Variants in CRACDL observed in about 807,000 individuals in gnomAD.
CRACDL encodes the protein CRACD like, also known as CRACD-like protein.
CRACDL carries 26 observed loss-of-function variants against 70.6 expected under a neutral mutation model. That is an observed-to-expected ratio of 0.37 (90% CI 0.27 to 0.51). The LOEUF (loss-of-function observed/expected upper bound fraction) is 0.51, where lower values mean the gene tolerates loss of function less well. Ranked by LOEUF, CRACDL falls within the 20% of genes least tolerant of loss-of-function variation. CRACDL has a pLI of 0.94. For missense variants in CRACDL, 1,283 were observed against 1,376.9 expected (o/e 0.93, Z 1.08); for synonymous variants, 618 against 615.2 (o/e 1.00, Z -0.07).
intron 1 of CRACDL, among the ~76,000 whole-genome samples, chr2:98,911,122 C>T (rs990388226): frequency 2.0e-5 from 3 of 152,190 alleles, no homozygotes; most frequent in African/African-American, 7.2e-5. Context: ...CCCCCACGCC[C>T]GTGCTCCTGC....
chr2:98,877,592 CAAA>C (rs1019956540), intron 1 of CRACDL, among the ~76,000 whole-genome samples: 1 of 151,758 alleles, frequency 6.6e-6, no homozygotes, highest in Non-Finnish European at 1.5e-5. Context: ...ACTAAAAATA[CAAA>C]AAAATTAGCC....
At chr2:98,865,967 A>T (rs781427396) in intron 1 of CRACDL, among the ~76,000 whole-genome samples, 9 of 151,814 alleles carry the variant, frequency 5.9e-5, no homozygotes, top group Non-Finnish European at 8.8e-5. Flanking sequence ...ACCTCAGGTG[A>T]TCCACTCACC....
rs1427050946 is a variant in CRACDL, at chr2:98,822,647, G to C, written c.1626C>G (p.Ala542=). Residue 542 remains alanine (A), a synonymous_variant, in exon 7 of 10, where the codon GCC becomes GCG. Coordinates refer to ENST00000397899, the MANE Select transcript of CRACDL (RefSeq NM_207362.3). This position sits in a 1 kb window ranked among gnomAD's most constrained non-coding sequence, Gnocchi z 4.9. The part of the protein sequence containing the change: ...AEAAAPERPK[A]ERAEAPPAGA... Reference sequence around the variant, plus strand: ...CCGCCGGTGGCGCCTCGGCTCGCTCGGCCTTGGGGCGCTCCGGGGCGGCGG... The same window carrying C: ...CCGCCGGTGGCGCCTCGGCTCGCTCCGCCTTGGGGCGCTCCGGGGCGGCGG... 2.5e-5 allele frequency: 32 copies of C among 1,295,102 alleles called. No individual in the cohort carries two copies. The highest frequency in any genetic ancestry group is 2.3e-4 in the African/African-American group (15 of 64,280). 80.2% of individuals were successfully genotyped at this position (1,295,102 alleles called of 1,614,324 possible).
intron 1 of CRACDL, among the ~76,000 whole-genome samples, chr2:98,898,909 C>T (rs1293051543): frequency 2.0e-5 from 3 of 152,142 alleles, no homozygotes; most frequent in African/African-American, 7.2e-5. Context: ...AGAAGGTAAT[C>T]GTCTCCCAAA....
chr2:98,932,198 C>T (rs1307132426), intron 1 of CRACDL, among the ~76,000 whole-genome samples: 3 of 152,176 alleles, frequency 2.0e-5, no homozygotes, highest in Non-Finnish European at 4.4e-5. Context: ...CAGAAGAGAT[C>T]GGCGGGACAC....
chr2:98,904,125 C>T (rs1708349434), intron 1 of CRACDL, among the ~76,000 whole-genome samples: 1 of 152,240 alleles, frequency 6.6e-6, no homozygotes, highest in Non-Finnish European at 1.5e-5. Context: ...GAGAGTTATA[C>T]AAACAGAAGG....
chr2:98,880,557 T>C (rs2104614854), intron 1 of CRACDL, among the ~76,000 whole-genome samples: 1 of 152,328 alleles, frequency 6.6e-6, no homozygotes, highest in South Asian at 2.1e-4. Context: ...TCCTGAGTCC[T>C]ACAGACGATA....
At chr2:98,850,844 C>T (rs944473323) in intron 1 of CRACDL, among the ~76,000 whole-genome samples, 2 of 152,218 alleles carry the variant, frequency 1.3e-5, no homozygotes, top group Non-Finnish European at 2.9e-5. Context: ...TAACTGACCA[C>T]AGCCTCCTTC....
Position 98,822,875 on chromosome 2 carries a change from CGTCTCCGCTTCTCTCTCGGGCTCA to C in CRACDL, c.1374_1397del (p.Glu463_Arg470del). The C allele has an allele frequency of 6.8e-7, 1 of 1,467,752 alleles. No homozygotes were observed. The highest frequency in any genetic ancestry group is 8.9e-7 in the Non-Finnish European group (1 of 1,120,232). The allele number at this position is 1,467,752 out of a possible 1,614,324, so 90.9% of individuals were successfully genotyped here. On this transcript the variant is annotated inframe_deletion, in exon 7 of 10. Coordinates refer to ENST00000397899, the MANE Select transcript of CRACDL (RefSeq NM_207362.3). The surrounding 1 kb of genome is among the most constrained non-coding windows in gnomAD (Gnocchi z 4.9). Reference sequence around the variant, plus strand: ...CGGTCCCCGCTCCTCTCTCGGGCTCCGTCTCCGCTTCTCTCTCGGGCTCAGGCGCCGGCCCTGGGGGCCCCTTCT... The same window carrying C: ...CGGTCCCCGCTCCTCTCTCGGGCTCCGGCGCCGGCCCTGGGGGCCCCTTCT...
At chr2:98,840,398 T>A (rs4851161) in intron 2 of CRACDL, among the ~76,000 whole-genome samples, 2,796 of 152,276 alleles carry the variant, frequency 0.018, 89 homozygotes, top group African/African-American at 0.063. Context: ...AATCTGTTGA[T>A]ACTTGCTTTA....
chr2:98,869,318 T>C (rs1380941901), intron 1 of CRACDL: 1 of 1,199,446 alleles, frequency 8.3e-7, no homozygotes, highest in Non-Finnish European at 1.1e-6. Context: ...CCAGCCCTCC[T>C]GTGCCCCGTG....
intron 1 of CRACDL, among the ~76,000 whole-genome samples, chr2:98,896,724 G>C (rs1016695203): frequency 2.6e-5 from 4 of 152,180 alleles, no homozygotes; most frequent in African/African-American, 9.7e-5. Context: ...TACCAAGCTT[G>C]TCCAACCTAT....
At chr2:98,858,530 A>G (rs527757187) in intron 1 of CRACDL, among the ~76,000 whole-genome samples, 85 of 151,448 alleles carry the variant, frequency 5.6e-4, no homozygotes, top group South Asian at 3.1e-3. Context: ...AAAAAAAAAA[A>G]AAGAAGAAGA....
chr2:98,810,090 T>C (rs1242641991), intron 7 of CRACDL, among the ~76,000 whole-genome samples: 1 of 152,062 alleles, frequency 6.6e-6, no homozygotes, highest in African/African-American at 2.4e-5. Context: ...GGTCCAAGGA[T>C]CACCCACTGC....
At chr2:98,843,970 C>A (rs911537234) in intron 2 of CRACDL, among the ~76,000 whole-genome samples, 2 of 152,150 alleles carry the variant, frequency 1.3e-5, no homozygotes, top group Non-Finnish European at 2.9e-5. Context: ...CAAAAAAAAT[C>A]ATCCCAGGCA....
At chr2:98,802,990 A>T (rs1240261833) in intron 7 of CRACDL, among the ~76,000 whole-genome samples, 1 of 147,610 alleles carries the variant, frequency 6.8e-6, no homozygotes, top group African/African-American at 2.5e-5. Context: ...TGTGAGCCAC[A>T]TGCCTGGCTT....
intron 1 of CRACDL, among the ~76,000 whole-genome samples, chr2:98,862,303 C>G (rs1056548746): frequency 2.0e-5 from 3 of 152,138 alleles, no homozygotes; most frequent in Admixed American, 2.0e-4. Flanking sequence ...CCAGCAAACC[C>G]TGGGAAAAGG....
At chr2:98,910,012 A>G (rs1708508146) in intron 1 of CRACDL, among the ~76,000 whole-genome samples, 1 of 152,166 alleles carries the variant, frequency 6.6e-6, no homozygotes, top group Admixed American at 6.5e-5. Flanking sequence ...AGTAGTCAGT[A>G]ACGCCATCTC....
intron 1 of CRACDL, among the ~76,000 whole-genome samples, chr2:98,909,768 T>C (rs1298834849): frequency 6.6e-6 from 1 of 152,152 alleles, no homozygotes; most frequent in Non-Finnish European, 1.5e-5. Flanking sequence ...CCTGGTTCCC[T>C]TACAGGCAGG....
Sources: allele counts gnomAD v4.1 joint callset (sites outside exome capture counted in the v4.1 genomes callset), GRCh38; gene constraint gnomAD v4.1.1; non-coding constraint Gnocchi (gnomAD v3.1); transcripts MANE v1.5; gene names NCBI Gene and HGNC (gene_info 2026-07-23, HGNC 2026-07-21).